Variants in ACTN4 observed in about 807,000 individuals in gnomAD.
ACTN4 encodes actinin alpha 4.
In ACTN4, 18 loss-of-function variants were observed where a neutral mutation model predicts 114.2. That is an observed-to-expected ratio of 0.16 (90% CI 0.11 to 0.23). ACTN4 has a LOEUF of 0.23. Ranked by LOEUF, ACTN4 falls within the 10% of genes least tolerant of loss-of-function variation. ACTN4 has a pLI of 1.00. For missense variants in ACTN4, 722 were observed against 1,262.9 expected (o/e 0.57, Z 6.49); for synonymous variants, 515 against 506.3 (o/e 1.02, Z -0.23).
At chr19:38,673,327 C>T (rs996378542) in intron 1 of ACTN4, among the ~76,000 whole-genome samples, 1 of 150,306 alleles carries the variant, frequency 6.7e-6, no homozygotes, top group Non-Finnish European at 1.5e-5. Flanking sequence ...CAGAATAGTC[C>T]TTCTTCTTGT....
At chr19:38,714,864 G>A (rs898161254) in intron 9 of ACTN4, among the ~76,000 whole-genome samples, 4 of 152,242 alleles carry the variant, frequency 2.6e-5, no homozygotes, top group Admixed American at 2.6e-4. Flanking sequence ...CACCTGGGGA[G>A]CTTTGTGAAA....
chr19:38,674,354 G>A (rs571778071), intron 1 of ACTN4, among the ~76,000 whole-genome samples: 107 of 152,118 alleles, frequency 7.0e-4, no homozygotes, highest in Non-Finnish European at 1.3e-3. Flanking sequence ...AGAATGTGCC[G>A]GTAGCGAGGA....
At chr19:38,661,352 G>A (rs190983947) in intron 1 of ACTN4, among the ~76,000 whole-genome samples, 330 of 152,310 alleles carry the variant, frequency 2.2e-3, no homozygotes, top group South Asian at 3.5e-3. Flanking sequence ...TGATGATTTC[G>A]GCAGTCGGCA....
Position 38,647,787 on chromosome 19 carries a change from C to T in ACTN4, c.42C>T (p.Gly14=). The change falls in exon 1 of 21, where the codon GGC becomes GGT. Residue 14 remains glycine (G), a synonymous_variant. Coordinates refer to ENST00000252699, the MANE Select transcript of ACTN4 (RefSeq NM_004924.6). ...YHAANQSYQY[G]PSSAGNGAGG... is the part of the protein sequence containing the mutation. ...CGGCGAACCAGTCGTACCAGTACGG[C>T]CCCAGCAGCGCGGGCAATGGCGCTG... 1.3e-6 allele frequency: 2 copies of T among 1,554,544 alleles called. No homozygotes were observed. The highest frequency in any genetic ancestry group is 1.2e-5 in the South Asian group (1 of 84,432).
At chr19:38,674,500 T>C (rs1967313239) in intron 1 of ACTN4, among the ~76,000 whole-genome samples, 1 of 152,124 alleles carries the variant, frequency 6.6e-6, no homozygotes, top group Non-Finnish European at 1.5e-5. Flanking sequence ...GTGGAGCATA[T>C]CTGTTTCGAT....
At chr19:38,692,294 G>A (rs754274899) in intron 1 of ACTN4, among the ~76,000 whole-genome samples, 2 of 152,246 alleles carry the variant, frequency 1.3e-5, no homozygotes, top group African/African-American at 2.4e-5. Context: ...CCCGTGTGTC[G>A]CTGAACTGCC....
chr19:38,650,531 T>C (rs1175666900), intron 1 of ACTN4, among the ~76,000 whole-genome samples: 1 of 152,216 alleles, frequency 6.6e-6, no homozygotes, highest in Non-Finnish European at 1.5e-5. Flanking sequence ...CAGATTCTAG[T>C]ACCTCCTGCT....
intron 1 of ACTN4, among the ~76,000 whole-genome samples, chr19:38,689,654 T>C (rs1268154848): frequency 6.6e-6 from 1 of 152,064 alleles, no homozygotes; most frequent in African/African-American, 2.4e-5. Context: ...AGAGTCACCA[T>C]ACCCAGTTAA....
intron 1 of ACTN4, among the ~76,000 whole-genome samples, chr19:38,656,222 C>T (rs1268598758): frequency 1.3e-5 from 2 of 152,174 alleles, no homozygotes; most frequent in Non-Finnish European, 1.5e-5. Flanking sequence ...AAGCCATCCC[C>T]CCACCTCAGC....
chr19:38,698,987 G>T (rs150710653), intron 1 of ACTN4, among the ~76,000 whole-genome samples: 1 of 152,212 alleles, frequency 6.6e-6, no homozygotes, highest in East Asian at 1.9e-4. Flanking sequence ...CACCCGGGGC[G>T]TGGAATGTGC....
Position 38,724,702 on chromosome 19 carries a change from G to C in ACTN4, c.2010+137G>C. 7.1e-7 allele frequency: 1 copy of C among 1,416,984 alleles called. No individual in the cohort carries two copies. Among genetic ancestry groups the C allele is most frequent in the South Asian group, 1.2e-5 (1 of 84,294 alleles). 87.8% of individuals were successfully genotyped at this position (1,416,984 alleles called of 1,614,324 possible). A position where few individuals can be genotyped will look rare whatever the true frequency, so the allele number is the denominator to read the frequency against. On this transcript the variant is annotated intron_variant, in intron 16 of 20. Coordinates refer to ENST00000252699, the MANE Select transcript of ACTN4 (RefSeq NM_004924.6). The surrounding 1 kb of genome is among the most constrained non-coding windows in gnomAD (Gnocchi z 7.0). ...TCCCAATTCTCACCACCCAGGGGCC[G>C]TGATCACCCTGCGGGGTTAGGAGAG... is the stretch of plus-strand genomic sequence containing the variant.
In ACTN4 at chr19:38,708,126, T is replaced by C; in HGVS notation, c.582T>C (p.Asp194=). 6.2e-7 allele frequency: 1 copy of C among 1,614,206 alleles called. No individual in the cohort carries two copies. The highest frequency in any genetic ancestry group is 8.5e-7 in the Non-Finnish European group (1 of 1,180,024). Residue 194 remains aspartate (D), a synonymous_variant, in exon 6 of 21, where the codon GAT becomes GAC. Transcript: ENST00000252699. ...GCCTTTCCTTCCCCAGCTGGAAGGATGGTCTTGCCTTCAATGCCCTGATCC... is the reference window on the plus strand; with the variant it reads ...GCCTTTCCTTCCCCAGCTGGAAGGACGGTCTTGCCTTCAATGCCCTGATCC... ...NVQNFHISWK[D]GLAFNALIHR...
At chr19:38,685,650 G>A (rs1317184029) in intron 1 of ACTN4, among the ~76,000 whole-genome samples, 1 of 152,114 alleles carries the variant, frequency 6.6e-6, no homozygotes, top group African/African-American at 2.4e-5. Context: ...AAGCCCGCAG[G>A]GACCGAGTAT....
At position 38,728,016 on chromosome 19, in the gene ACTN4, A is replaced by C; in HGVS notation, c.2408A>C (p.Asn803Thr). 3 of 1,612,600 alleles carry C rather than the reference A, an allele frequency of 1.9e-6. No homozygotes were observed. Among genetic ancestry groups the C allele is most frequent in the Non-Finnish European group, 2.5e-6 (3 of 1,179,730 alleles). Reference sequence around the variant, plus strand: ...ATCAGCCTGGGCTACGACGTGGAGAACGACCGGCAGGTACTGCACCCTGGG... The same window carrying C: ...ATCAGCCTGGGCTACGACGTGGAGACCGACCGGCAGGTACTGCACCCTGGG... ...CLISLGYDVENDRQGEAEFNR... is the reference protein window; with the variant it reads ...CLISLGYDVETDRQGEAEFNR... Residue 803 changes from asparagine (N) to threonine (T), a missense_variant, in exon 19 of 21, where the codon AAC (asparagine) becomes ACC (threonine). Coordinates refer to ENST00000252699, the MANE Select transcript of ACTN4 (RefSeq NM_004924.6).
At chr19:38,694,552 G>C (rs987407988) in intron 1 of ACTN4, among the ~76,000 whole-genome samples, 1 of 151,886 alleles carries the variant, frequency 6.6e-6, no homozygotes, top group African/African-American at 2.4e-5. Flanking sequence ...GAGCCACTGC[G>C]CCCGGCCCTG....
chr19:38,699,829 G>A (rs1007453235), intron 1 of ACTN4, among the ~76,000 whole-genome samples: 21 of 152,140 alleles, frequency 1.4e-4, no homozygotes, highest in Admixed American at 2.6e-4. Context: ...AGGGACGGGG[G>A]CATCTTGCTT....
At chr19:38,700,943 C>T in intron 2 of ACTN4, 59 bp from the exon 3 acceptor site, 1 of 1,602,678 alleles carries the variant, frequency 6.2e-7, no homozygotes, top group South Asian at 1.1e-5. Context: ...TCCCTCTCGC[C>T]CTCTCTCCCT....
intron 11 of ACTN4, 125 bp from the exon 12 acceptor site, chr19:38,721,413 G>A (rs974226777): frequency 1.7e-6 from 2 of 1,195,498 alleles, no homozygotes; most frequent in Non-Finnish European, 2.4e-6. Flanking sequence ...CCATGCCACT[G>A]TCATTGGCAT....
intron 1 of ACTN4, among the ~76,000 whole-genome samples, chr19:38,698,465 C>T (rs997014551): frequency 4.6e-5 from 7 of 152,114 alleles, no homozygotes; most frequent in East Asian, 1.9e-4. Flanking sequence ...AGTTCATAGC[C>T]GTGGGAGGGA....
Sources: allele counts gnomAD v4.1 joint callset (sites outside exome capture counted in the v4.1 genomes callset), GRCh38; gene constraint gnomAD v4.1.1; non-coding constraint Gnocchi (gnomAD v3.1); transcripts MANE v1.5; gene names NCBI Gene and HGNC (gene_info 2026-07-23, HGNC 2026-07-21).